Variants in PLCB1 observed in about 807,000 individuals in gnomAD.
PLCB1 encodes phospholipase C beta 1, also known as 1-phosphatidylinositol 4,5-bisphosphate phosphodiesterase beta-1.
Under a neutral mutation model 161.8 loss-of-function variants are expected in PLCB1, and 46 were observed. The ratio of observed to expected loss-of-function variants is 0.28; its 90% CI spans 0.22 to 0.36. PLCB1 has a LOEUF of 0.36. PLCB1 is among the 10% of genes least tolerant of loss of function. The probability of loss-of-function intolerance (pLI) is 1.00; values close to 1 mark genes in which losing one functional copy is unlikely to be tolerated. For missense variants in PLCB1, 1,016 were observed against 1,472.5 expected, an observed-to-expected ratio of 0.69 and a Z score of 5.07; for synonymous variants, 517 against 503.7, an observed-to-expected ratio of 1.03 and a Z score of -0.35.
intron 3 of PLCB1, among the ~76,000 whole-genome samples, chr20:8,419,899 G>T (rs1979469226): frequency 6.6e-6 from 1 of 152,126 alleles, no homozygotes; most frequent in Non-Finnish European, 1.5e-5. Context: ...ACTTAATGTT[G>T]TGGTGGGTTT....
chr20:8,587,835 C>T (rs572160003), intron 3 of PLCB1, among the ~76,000 whole-genome samples: 32 of 152,136 alleles, frequency 2.1e-4, no homozygotes, highest in Non-Finnish European at 4.0e-4. Flanking sequence ...GTAAAGTAGC[C>T]AGAGATTGTA....
At chr20:8,587,621 C>T (rs1487694301) in intron 3 of PLCB1, among the ~76,000 whole-genome samples, 3 of 152,112 alleles carry the variant, frequency 2.0e-5, no homozygotes, top group Non-Finnish European at 4.4e-5. Context: ...GGCAAGATTG[C>T]ATGGGGAGGA....
At position 8,518,180 on chromosome 20, in the gene PLCB1, CAA is replaced by C. The variant is rs11341765; in HGVS notation, c.247-110102_247-110101del. Among the ~76,000 whole-genome samples, 16 of 141,618 alleles carry C rather than the reference CAA, an allele frequency of 1.1e-4. 1 individual carries two copies. The highest frequency in any genetic ancestry group is 2.3e-4 in the South Asian group (1 of 4,422). 92.9% of individuals were successfully genotyped at this position (141,618 alleles called of 152,430 possible). A position where few individuals can be genotyped will look rare whatever the true frequency, so the allele number is the denominator to read the frequency against. ...CTGGTGACAGAGGGAGACTCTGTCT[CAA>C]AAAAAAAAAAATTATCCTATTTTAT... On this transcript the variant is annotated intron_variant, in intron 3 of 31. Coordinates refer to ENST00000338037, the MANE Select transcript of PLCB1 (RefSeq NM_015192.4).
In PLCB1 at chr20:8,280,524, T is replaced by A. The variant is rs62195909; in HGVS notation, c.178-90858T>A. 9.9e-3 allele frequency among the ~76,000 whole-genome samples: 1,501 copies of A among 152,276 alleles called. 12 individuals are homozygous for A. Among genetic ancestry groups the A allele is most frequent in the Non-Finnish European group, 0.017 (1,178 of 68,008 alleles). The stretch of plus-strand genomic sequence containing the variant: ...ATAACTAAACCAGTAAACTACAAAA[T>A]GACCTGGATCAAATGACTGCAAGAA... On this transcript the variant is annotated intron_variant, in intron 2 of 31. Coordinates refer to ENST00000338037, the MANE Select transcript of PLCB1 (RefSeq NM_015192.4).
intron 1 of PLCB1, among the ~76,000 whole-genome samples, chr20:8,136,433 T>C (rs538917887): frequency 9.0e-4 from 137 of 152,222 alleles, no homozygotes; most frequent in Non-Finnish European, 1.6e-3. Context: ...GAGACCATCC[T>C]GGCTAACACG....
At chr20:8,264,901 A>G (rs1016157269) in intron 2 of PLCB1, among the ~76,000 whole-genome samples, 4 of 152,170 alleles carry the variant, frequency 2.6e-5, no homozygotes, top group African/African-American at 9.6e-5. Flanking sequence ...CCCTGGGGAA[A>G]TGTAGCAATC....
intron 3 of PLCB1, among the ~76,000 whole-genome samples, chr20:8,514,311 G>A (rs1464912902): frequency 6.6e-6 from 1 of 151,942 alleles, no homozygotes; most frequent in African/African-American, 2.4e-5. Flanking sequence ...GTGGTGGCGT[G>A]AGCCTGTAGT....
At position 8,721,456 on chromosome 20, in the gene PLCB1, A is replaced by G. The variant is rs181817997; in HGVS notation, c.1514-898A>G. The stretch of plus-strand genomic sequence containing the variant: ...ATATTTCTGGGTCTGACTGAAGCCC[A>G]TAGCTATGGAAGAATGTAATGCTTC... On this transcript the variant is annotated intron_variant, in intron 14 of 31. Coordinates refer to ENST00000338037, the MANE Select transcript of PLCB1 (RefSeq NM_015192.4). Among the ~76,000 whole-genome samples the G allele has an allele frequency of 1.0e-3, 153 of 152,352 alleles. 1 individual carries two copies. The highest frequency in any genetic ancestry group is 5.9e-3 in the Admixed American group (90 of 15,306).
At chr20:8,242,495 C>T (rs1980669957) in intron 2 of PLCB1, among the ~76,000 whole-genome samples, 2 of 151,896 alleles carry the variant, frequency 1.3e-5, no homozygotes, top group Non-Finnish European at 2.9e-5. Context: ...AAGGCCACTG[C>T]AAAACCAGGC....
rs534974695 is a variant in PLCB1, at chr20:8,546,245, C to T, written c.247-82049C>T. 2.2e-5 allele frequency among the ~76,000 whole-genome samples: 3 copies of T among 138,970 alleles called. No individual in the cohort carries two copies. In the South Asian group the frequency reaches 7.4e-4, roughly 34 times the overall value. The allele number at this position is 138,970 out of a possible 152,430, so 91.2% of individuals were successfully genotyped here. On this transcript the variant is annotated intron_variant, in intron 3 of 31. Coordinates refer to ENST00000338037, the MANE Select transcript of PLCB1 (RefSeq NM_015192.4). ...AGGAGAATTGCTTGAACCCAGGAGG[C>T]GGAGGTTGCAGTGAGCTGAGATCGC...
intron 3 of PLCB1, among the ~76,000 whole-genome samples, chr20:8,594,032 G>T (rs986174863): frequency 3.3e-5 from 5 of 152,130 alleles, no homozygotes; most frequent in East Asian, 1.9e-4. Context: ...GTAGAGCTGT[G>T]CACCACCATT....
At chr20:8,159,710 G>A (rs568263736) in intron 2 of PLCB1, among the ~76,000 whole-genome samples, 5 of 151,928 alleles carry the variant, frequency 3.3e-5, no homozygotes, top group East Asian at 1.9e-4. Context: ...CCACCAGGCC[G>A]GGCGTGGTGG....
At chr20:8,684,332 A>T (rs919346968) in intron 9 of PLCB1, among the ~76,000 whole-genome samples, 2 of 149,460 alleles carry the variant, frequency 1.3e-5, no homozygotes, top group South Asian at 2.2e-4. Context: ...TCTCGGCTCA[A>T]TGCAACCTCC....
chr20:8,476,118 C>T (rs757049998), intron 3 of PLCB1, among the ~76,000 whole-genome samples: 26 of 152,296 alleles, frequency 1.7e-4, no homozygotes, highest in African/African-American at 5.1e-4. Flanking sequence ...TTGGCCCCCA[C>T]GGCTACTGGT....
chr20:8,163,356 C>T (rs2051644723), intron 2 of PLCB1, among the ~76,000 whole-genome samples: 1 of 152,146 alleles, frequency 6.6e-6, no homozygotes, highest in Admixed American at 6.5e-5. Flanking sequence ...CCAGCCTCTC[C>T]TGGAGACTGA....
intron 4 of PLCB1, among the ~76,000 whole-genome samples, chr20:8,634,619 G>T (rs1461262587): frequency 1.3e-5 from 2 of 152,132 alleles, no homozygotes; most frequent in Non-Finnish European, 2.9e-5. Context: ...CTACAAATCT[G>T]CCTGCTCATC....
At position 8,739,130 on chromosome 20, in the gene PLCB1, G is replaced by A. The variant is rs6039246; in HGVS notation, c.2209-131G>A. On this transcript the variant is annotated intron_variant, in intron 20 of 31. Coordinates refer to ENST00000338037, the MANE Select transcript of PLCB1 (RefSeq NM_015192.4). ...CACGCCACTGCACTTCAGCCTGGGTGACACAGCAAGACTCTATCTCAAAAA... is the reference window on the plus strand; with the variant it reads ...CACGCCACTGCACTTCAGCCTGGGTAACACAGCAAGACTCTATCTCAAAAA... The A allele has an allele frequency of 0.48, 317,837 of 664,246 alleles. 77,930 individuals carry two copies. The highest frequency in any genetic ancestry group is 0.67 in the East Asian group (24,689 of 36,882). The allele number at this position is 664,246 out of a possible 1,614,324, so 41.1% of individuals were successfully genotyped here.
chr20:8,679,214 C>T (rs1351688706), intron 9 of PLCB1, among the ~76,000 whole-genome samples: 1 of 152,054 alleles, frequency 6.6e-6, no homozygotes, highest in Non-Finnish European at 1.5e-5. Flanking sequence ...ACATCTTTTC[C>T]CATGTACCTG....
At chr20:8,327,998 A>C (rs1985224852) in intron 2 of PLCB1, among the ~76,000 whole-genome samples, 1 of 152,122 alleles carries the variant, frequency 6.6e-6, no homozygotes, top group Admixed American at 6.6e-5. Context: ...CAAATCACAC[A>C]AATGCAGGTT....
Sources: allele counts gnomAD v4.1 joint callset (sites outside exome capture counted in the v4.1 genomes callset), GRCh38; gene constraint gnomAD v4.1.1; transcripts MANE v1.5; gene names NCBI Gene and HGNC (gene_info 2026-07-23, HGNC 2026-07-21).